TMEM41B: variants seen among roughly 807,000 people sequenced by gnomAD.
The protein encoded by TMEM41B is transmembrane protein 41B.
In TMEM41B, 18 loss-of-function variants were observed where a neutral mutation model predicts 31.9. That is an observed-to-expected ratio of 0.56 (90% CI 0.39 to 0.84). The LOEUF is 0.84. Among genes scored for constraint, TMEM41B ranks in the 40% least tolerant of loss-of-function variants. TMEM41B has a pLI of 0.00. For missense variants in TMEM41B, 322 were observed against 348.0 expected (o/e 0.93, Z 0.59); for synonymous variants, 144 against 124.3 (o/e 1.16, Z -1.05).
chr11:9,313,907 TAAC>T, intron 1 of TMEM41B, among the ~76,000 whole-genome samples: 1 of 152,236 alleles, frequency 6.6e-6, no homozygotes, highest in East Asian at 1.9e-4. Context: ...TCCTCGCTCC[TAAC>T]TACTACTTCA....
At chr11:9,287,884 C>T in intron 4 of TMEM41B, 78 bp from the exon 5 acceptor site, 1 of 1,048,214 alleles carries the variant, frequency 9.5e-7, no homozygotes, top group Non-Finnish European at 1.4e-6. Flanking sequence ...GAGTAAAAAG[C>T]TCAATTAATT....
intron 3 of TMEM41B, among the ~76,000 whole-genome samples, chr11:9,294,019 G>A (rs1330873378): frequency 6.6e-6 from 1 of 150,914 alleles, no homozygotes; most frequent in Non-Finnish European, 1.5e-5. Context: ...GCAAAACCTG[G>A]CATCTACAAA....
At chr11:9,290,237 C>A (rs539955597) in intron 3 of TMEM41B, among the ~76,000 whole-genome samples, 1 of 151,918 alleles carries the variant, frequency 6.6e-6, no homozygotes, top group Non-Finnish European at 1.5e-5. Flanking sequence ...ACTAGCCGGG[C>A]GTGGTGGTGG....
intron 2 of TMEM41B, among the ~76,000 whole-genome samples, chr11:9,297,229 C>T (rs1853118906): frequency 6.6e-6 from 1 of 152,160 alleles, no homozygotes; most frequent in East Asian, 1.9e-4. Context: ...GGACTACGGG[C>T]GCCCGCCACC....
chr11:9,283,318 A>G lies in TMEM41B; in HGVS notation c.*106T>C. ...TATCTGATAGGAAATTTTATTTTACAAATTCCTTGTTTAATTACTGAAGAG... is the reference window on the plus strand; with the variant it reads ...TATCTGATAGGAAATTTTATTTTACGAATTCCTTGTTTAATTACTGAAGAG... On this transcript the variant is annotated 3_prime_UTR_variant, in exon 7 of 7. Coordinates refer to ENST00000528080, the MANE Select transcript of TMEM41B (RefSeq NM_015012.4). 1.1e-6 allele frequency: 1 copy of G among 881,258 alleles called. No individual in the cohort carries two copies. The highest frequency in any genetic ancestry group is 1.7e-6 in the Non-Finnish European group (1 of 597,680). The allele number at this position is 881,258 out of a possible 1,614,324, so 54.6% of individuals were successfully genotyped here. A position where few individuals can be genotyped will look rare whatever the true frequency, so the allele number is the denominator to read the frequency against.
chr11:9,290,675 T>G (rs1056952257), intron 3 of TMEM41B, among the ~76,000 whole-genome samples: 5 of 152,168 alleles, frequency 3.3e-5, no homozygotes, highest in Non-Finnish European at 7.3e-5. Context: ...AGGAAGTGTT[T>G]TGTTGTTTTT....
intron 2 of TMEM41B, among the ~76,000 whole-genome samples, chr11:9,298,775 G>A (rs78564358): frequency 6.0e-4 from 87 of 143,838 alleles, no homozygotes; most frequent in East Asian, 6.3e-4. Context: ...CTCAAATGAA[G>A]AAAAAAAAAA....
At chr11:9,308,552 C>T (rs2133649479) in intron 1 of TMEM41B, among the ~76,000 whole-genome samples, 1 of 152,272 alleles carries the variant, frequency 6.6e-6, no homozygotes, top group East Asian at 1.9e-4. Flanking sequence ...CTTATTCTTT[C>T]CTTATAGCCA....
In TMEM41B at chr11:9,304,678, A is replaced by G. The variant is rs999892579; in HGVS notation, c.122-4977T>C. Among the ~76,000 whole-genome samples the G allele has an allele frequency of 7.2e-4, 105 of 145,562 alleles. 1 individual carries two copies. Among genetic ancestry groups the G allele is most frequent in the African/African-American group, 2.6e-3 (102 of 39,774 alleles). On this transcript the variant is annotated intron_variant, in intron 1 of 6. Transcript: ENST00000528080. ...TTAATTAATTAATTTTTTTTTTTTG[A>G]GATGGAGTCTCACTCTGTCACCAGC...
At chr11:9,286,296 A>T (rs1852835791) in intron 6 of TMEM41B, among the ~76,000 whole-genome samples, 159 bp downstream of exon 6, 1 of 152,144 alleles carries the variant, frequency 6.6e-6, no homozygotes. Flanking sequence ...AATTCAACAA[A>T]CACTTCTGAG....
chr11:9,288,408 T>C (rs1420801829), intron 4 of TMEM41B, 34 bp downstream of exon 4: 2 of 1,432,246 alleles, frequency 1.4e-6, no homozygotes, highest in Non-Finnish European at 1.9e-6. Context: ...TCTATTGTTT[T>C]TTCAGTCTCC....
intron 1 of TMEM41B, among the ~76,000 whole-genome samples, chr11:9,308,486 C>T (rs1199530503): frequency 6.6e-6 from 1 of 152,278 alleles, no homozygotes; most frequent in East Asian, 1.9e-4. Context: ...CTCTTCCTTC[C>T]ATGCCAGCCT....
At chr11:9,314,015 T>G (rs529233173) in intron 1 of TMEM41B, among the ~76,000 whole-genome samples, 1 of 152,274 alleles carries the variant, frequency 6.6e-6, no homozygotes, top group Non-Finnish European at 1.5e-5. Context: ...ACAGTACAGC[T>G]CCTTCCAGCT....
At chr11:9,289,352 C>T (rs1197467135) in intron 3 of TMEM41B, among the ~76,000 whole-genome samples, 2 of 151,580 alleles carry the variant, frequency 1.3e-5, no homozygotes, top group Non-Finnish European at 2.9e-5. Context: ...CTGTCGTTCC[C>T]AGTTTGGATC....
chr11:9,281,336 G>A lies in TMEM41B; in HGVS notation c.*2088C>T, dbSNP rs1852714367. On this transcript the variant is annotated 3_prime_UTR_variant, in exon 7 of 7. Transcript: ENST00000528080. ...CTCTGGGCAATAAGAAAGGAAGAAA[G>A]CCTTGCTAGAAATAATAAATAATCT... The A allele has an allele frequency of 6.6e-6, 1 of 152,146 alleles. No individual in the cohort carries two copies. Among genetic ancestry groups the A allele is most frequent in the Non-Finnish European group, 1.5e-5 (1 of 68,024 alleles). 9.4% of individuals were successfully genotyped at this position (152,146 alleles called of 1,614,324 possible).
rs537330954 is a variant in TMEM41B, at chr11:9,311,258, G to T, written c.121+3063C>A. ...GAGAGCAGAACTGGTGAGACTTGAG[G>T]GAAGGACCCAGGGCCTGTATTCAGT... On this transcript the variant is annotated intron_variant, in intron 1 of 6. Transcript: ENST00000528080. 2.7e-6 allele frequency: 4 copies of T among 1,500,826 alleles called. No individual in the cohort carries two copies. In the South Asian group the frequency reaches 3.3e-5, roughly 13 times the overall value. The allele number at this position is 1,500,826 out of a possible 1,614,324, so 93.0% of individuals were successfully genotyped here.
chr11:9,311,918 A>C (rs1388011440), intron 1 of TMEM41B, among the ~76,000 whole-genome samples: 1 of 152,210 alleles, frequency 6.6e-6, no homozygotes, highest in African/African-American at 2.4e-5. Context: ...AAATGTACCA[A>C]ACATTGCAGA....
chr11:9,299,936 A>G (rs1853206085), intron 1 of TMEM41B, among the ~76,000 whole-genome samples: 1 of 152,060 alleles, frequency 6.6e-6, no homozygotes, highest in South Asian at 2.1e-4. Flanking sequence ...CCTCACCAAC[A>G]TGGAGAAACT....
chr11:9,285,052 A>ATTTT (rs926958421), intron 6 of TMEM41B, among the ~76,000 whole-genome samples: 1 of 140,260 alleles, frequency 7.1e-6, no homozygotes, highest in Non-Finnish European at 1.6e-5. Flanking sequence ...AAGTTTGTCC[A>ATTTT]TTTTTTTTTC....
Sources: allele counts gnomAD v4.1 joint callset (sites outside exome capture counted in the v4.1 genomes callset), GRCh38; gene constraint gnomAD v4.1.1; transcripts MANE v1.5; gene names NCBI Gene and HGNC (gene_info 2026-07-23, HGNC 2026-07-21).